ATE1: variants seen among roughly 807,000 people sequenced by gnomAD.
ATE1 encodes the protein arginyl-tRNA--protein transferase 1.
In ATE1, 36 loss-of-function variants were observed where a neutral mutation model predicts 70.5. That is an observed-to-expected ratio of 0.51 (90% CI 0.39 to 0.67). The LOEUF (loss-of-function observed/expected upper bound fraction) is 0.67, where lower values mean the gene tolerates loss of function less well. Ranked by LOEUF, ATE1 falls within the 30% of genes least tolerant of loss-of-function variation. ATE1 has a pLI of 0.00. For synonymous variants in ATE1, 232 were observed against 219.3 expected, an observed-to-expected ratio of 1.06 and a Z score of -0.51; for missense variants, 593 against 629.5, an observed-to-expected ratio of 0.94 and a Z score of 0.62.
At chr10:121,760,070 A>T (rs940466298) in intron 11 of ATE1, among the ~76,000 whole-genome samples, 10 of 152,338 alleles carry the variant, frequency 6.6e-5, no homozygotes, top group African/African-American at 2.4e-4. Flanking sequence ...GAATATTTTA[A>T]GCCCACTGTT....
At chr10:121,788,746 T>G (rs921636946) in intron 11 of ATE1, among the ~76,000 whole-genome samples, 2 of 152,162 alleles carry the variant, frequency 1.3e-5, no homozygotes, top group Non-Finnish European at 2.9e-5. Context: ...GAAATATGGA[T>G]CAGGCATCTC....
chr10:121,829,742 C>T (rs1262711729), intron 10 of ATE1, among the ~76,000 whole-genome samples: 5 of 151,836 alleles, frequency 3.3e-5, no homozygotes, highest in East Asian at 3.9e-4. Flanking sequence ...AGAAAAAAAT[C>T]GCTCCTATTG....
Position 121,829,949 on chromosome 10 carries a change from T to C in ATE1, c.1257+6769A>G, listed in dbSNP as rs1282743892. On this transcript the variant is annotated intron_variant, in intron 10 of 11. Transcript: ENST00000224652. ...CCCACTCAATCTCAAAAATGAGAGATTTTACAATAGTGTGCAATTCATTTT... is the reference window on the plus strand; with the variant it reads ...CCCACTCAATCTCAAAAATGAGAGACTTTACAATAGTGTGCAATTCATTTT... Among the ~76,000 whole-genome samples, 3 of 152,314 alleles carry C rather than the reference T, an allele frequency of 2.0e-5. No homozygotes were observed. The East Asian group carries it at 5.8e-4, about 29-fold the overall frequency.
intron 8 of ATE1, among the ~76,000 whole-genome samples, chr10:121,850,168 ATGCAGC>A (rs1179412521): frequency 6.6e-6 from 1 of 152,254 alleles, no homozygotes; most frequent in Non-Finnish European, 1.5e-5. Flanking sequence ...TGAGTATTCC[ATGCAGC>A]AATTAACAAC....
intron 8 of ATE1, among the ~76,000 whole-genome samples, chr10:121,858,803 C>T (rs971981806): frequency 2.0e-5 from 3 of 151,100 alleles, no homozygotes; most frequent in Non-Finnish European, 2.9e-5. Flanking sequence ...GGTATAAAAG[C>T]GATATGTAAG....
chr10:121,762,424 G>C (rs1035997209), intron 11 of ATE1, among the ~76,000 whole-genome samples: 2 of 152,158 alleles, frequency 1.3e-5, no homozygotes, highest in African/African-American at 4.8e-5. Context: ...TACTACAGCA[G>C]GTTCTCAAAC....
At chr10:121,808,774 C>T (rs116382801) in intron 10 of ATE1, among the ~76,000 whole-genome samples, 173 of 152,280 alleles carry the variant, frequency 1.1e-3, no homozygotes, top group African/African-American at 4.1e-3. Context: ...GGAAGCAGTA[C>T]TTAGCAGCCT....
intron 11 of ATE1, among the ~76,000 whole-genome samples, chr10:121,778,067 C>T (rs759245367): frequency 4.6e-5 from 7 of 152,188 alleles, no homozygotes; most frequent in Non-Finnish European, 7.3e-5. Flanking sequence ...GAGCTGAATG[C>T]TAATTTCTAA....
At chr10:121,832,677 C>T (rs1227130215) in intron 10 of ATE1, among the ~76,000 whole-genome samples, 3 of 152,206 alleles carry the variant, frequency 2.0e-5, no homozygotes, top group Non-Finnish European at 2.9e-5. Flanking sequence ...GATTCTGAGG[C>T]CTCTCCAGCC....
Position 121,741,463 on chromosome 10 carries a change from T to C in ATE1, c.*2217A>G, listed in dbSNP as rs1355201391. 1 of 152,226 alleles carries C rather than the reference T, an allele frequency of 6.6e-6. No homozygotes were observed. The highest frequency in any genetic ancestry group is 1.5e-5 in the Non-Finnish European group (1 of 68,048). The allele number at this position is 152,226 out of a possible 1,614,324, so 9.4% of individuals were successfully genotyped here. A position where few individuals can be genotyped will look rare whatever the true frequency, so the allele number is the denominator to read the frequency against. ...CACAGTGGTTCACAGACAGGGATGA[T>C]TCATCATTTTCCTCTGAAAATGAAT... On this transcript the variant is annotated 3_prime_UTR_variant, in exon 12 of 12. Transcript: ENST00000224652.
Position 121,831,894 on chromosome 10 carries a change from C to T in ATE1, c.1257+4824G>A, listed in dbSNP as rs551500380. Among the ~76,000 whole-genome samples the T allele has an allele frequency of 5.9e-5, 9 of 152,284 alleles. No individual in the cohort carries two copies. In the South Asian group the frequency reaches 1.9e-3, roughly 32 times the overall value. ...TTGTTGCTCTAAAGATCTACAGTCACAGTAACTTGCTATTTTAAAAACAGG... is the reference window on the plus strand; with the variant it reads ...TTGTTGCTCTAAAGATCTACAGTCATAGTAACTTGCTATTTTAAAAACAGG... On this transcript the variant is annotated intron_variant, in intron 10 of 11. Coordinates refer to ENST00000224652, the MANE Select transcript of ATE1 (RefSeq NM_001001976.3).
intron 11 of ATE1, among the ~76,000 whole-genome samples, chr10:121,768,681 T>A (rs1945376581): frequency 6.6e-6 from 1 of 152,196 alleles, no homozygotes; most frequent in Non-Finnish European, 1.5e-5. Flanking sequence ...GCTTTTCTAG[T>A]GTCAATGTTT....
At chr10:121,794,429 A>AC (rs1946571417) in intron 10 of ATE1, among the ~76,000 whole-genome samples, 1 of 151,966 alleles carries the variant, frequency 6.6e-6, no homozygotes, top group African/African-American at 2.4e-5. Flanking sequence ...ACACAGTGAG[A>AC]CCCCATCTCT....
At position 121,870,886 on chromosome 10, in the gene ATE1, C is replaced by T. The variant is rs539460573; in HGVS notation, c.943-848G>A. Among the ~76,000 whole-genome samples, 8 of 152,166 alleles carry T rather than the reference C, an allele frequency of 5.3e-5. No homozygotes were observed. The East Asian group carries it at 7.7e-4, about 15-fold the overall frequency. ...ATTTACAGATTCAACATTTCAAATC[C>T]TTTGAGATTTACTGTTAATAATACC... On this transcript the variant is annotated intron_variant, in intron 7 of 11. Transcript: ENST00000224652.
chr10:121,857,044 A>G (rs1376921581), intron 8 of ATE1, among the ~76,000 whole-genome samples: 4 of 152,248 alleles, frequency 2.6e-5, no homozygotes, highest in African/African-American at 9.6e-5. Flanking sequence ...TATTTATAGT[A>G]AAACATCCAT....
At chr10:121,758,508 T>C (rs1046736287) in intron 11 of ATE1, among the ~76,000 whole-genome samples, 1 of 152,226 alleles carries the variant, frequency 6.6e-6, no homozygotes, top group Non-Finnish European at 1.5e-5. Context: ...ATAGTATTAA[T>C]CTTAGGGGCA....
intron 8 of ATE1, among the ~76,000 whole-genome samples, chr10:121,867,916 A>C (rs1051240237): frequency 2.6e-5 from 4 of 152,164 alleles, no homozygotes; most frequent in Non-Finnish European, 5.9e-5. Context: ...GATTGTTTAC[A>C]ATTTTTTACC....
intron 10 of ATE1, among the ~76,000 whole-genome samples, chr10:121,819,972 G>A (rs945615317): frequency 2.6e-5 from 4 of 151,364 alleles, no homozygotes; most frequent in Admixed American, 1.3e-4. Context: ...ATGGTGAAAC[G>A]CTGCCGCTAC....
chr10:121,867,659 C>G (rs983558126), intron 8 of ATE1, among the ~76,000 whole-genome samples: 2 of 152,128 alleles, frequency 1.3e-5, no homozygotes, highest in Non-Finnish European at 2.9e-5. Context: ...GATAAAACAA[C>G]ACTTTGTAGT....
Sources: gnomAD v4.1 joint callset for allele counts (sites outside exome capture counted in the v4.1 genomes callset) on GRCh38, gnomAD v4.1.1 for gene constraint, MANE v1.5 for transcripts, NCBI Gene and HGNC (gene_info 2026-07-23, HGNC 2026-07-21) for gene names.